Variants in TCF4 observed in about 807,000 individuals in gnomAD.
TCF4 encodes the protein SL3-3 enhancer factor 2.
A neutral mutation model predicts 82.1 loss-of-function variants in TCF4; 3 were observed. That is an observed-to-expected ratio of 0.04 (90% CI 0.02 to 0.09). The LOEUF is 0.09. Among genes scored for constraint, TCF4 ranks in the 10% least tolerant of loss-of-function variants. The probability of loss-of-function intolerance (pLI) is 1.00; values close to 1 mark genes in which losing one functional copy is unlikely to be tolerated. For synonymous variants in TCF4, 276 were observed against 309.6 expected (o/e 0.89, Z 1.14); for missense variants, 518 against 852.7 (o/e 0.61, Z 4.89).
intron 3 of TCF4, among the ~76,000 whole-genome samples, chr18:55,535,507 TATA>T (rs2097107006): frequency 6.6e-6 from 1 of 152,246 alleles, no homozygotes; most frequent in Non-Finnish European, 1.5e-5. Flanking sequence ...TTCTGATTAT[TATA>T]AGGAAGAAAA....
At chr18:55,467,685 T>C (rs919086922) in intron 3 of TCF4, among the ~76,000 whole-genome samples, 2 of 152,182 alleles carry the variant, frequency 1.3e-5, no homozygotes, top group East Asian at 1.9e-4. Context: ...CTCATTTTCA[T>C]GTAAACCTTG....
intron 3 of TCF4, among the ~76,000 whole-genome samples, chr18:55,468,369 C>T (rs2145082452): frequency 6.6e-6 from 1 of 152,262 alleles, no homozygotes; most frequent in South Asian, 2.1e-4. Context: ...TAAAAACACA[C>T]AAAGTGTCCA....
At chr18:55,629,560 TAAG>T (rs2097729660) in intron 2 of TCF4, among the ~76,000 whole-genome samples, 1 of 152,138 alleles carries the variant, frequency 6.6e-6, no homozygotes, top group South Asian at 2.1e-4. Context: ...ATGGCAAAGA[TAAG>T]AAGATTGCTG....
At chr18:55,370,668 C>T (rs1050826943) in intron 6 of TCF4, among the ~76,000 whole-genome samples, 1 of 152,054 alleles carries the variant, frequency 6.6e-6, no homozygotes, top group Non-Finnish European at 1.5e-5. Flanking sequence ...AACTCTCCCC[C>T]CCAAAATTAG....
chr18:55,515,178 C>T (rs955496918), intron 3 of TCF4, among the ~76,000 whole-genome samples: 1 of 152,030 alleles, frequency 6.6e-6, no homozygotes, highest in Non-Finnish European at 1.5e-5. Context: ...AGTTAAAAGA[C>T]CTAAGAAAGT....
At chr18:55,635,310 G>C (rs2097735231) in intron 1 of TCF4, among the ~76,000 whole-genome samples, 1 of 152,004 alleles carries the variant, frequency 6.6e-6, no homozygotes, top group African/African-American at 2.4e-5. Context: ...GGAATTCGAG[G>C]CCAGCCCAAC....
At chr18:55,462,276 C>A (rs189936656) in intron 4 of TCF4, among the ~76,000 whole-genome samples, 8 of 152,300 alleles carry the variant, frequency 5.3e-5, no homozygotes, top group Non-Finnish European at 1.2e-4. Context: ...TACACTCACT[C>A]ACTCTATACC....
chr18:55,468,881 G>GCCC (rs5825142), intron 3 of TCF4, among the ~76,000 whole-genome samples: 48 of 106,170 alleles, frequency 4.5e-4, no homozygotes, highest in South Asian at 6.5e-4. Context: ...TTTAGTTCTC[G>GCCC]CCCCCCCCCC....
chr18:55,464,791 T>C (rs868282535), intron 3 of TCF4, among the ~76,000 whole-genome samples: 2 of 152,158 alleles, frequency 1.3e-5, no homozygotes, highest in Admixed American at 6.6e-5. Context: ...TATGTGGAAA[T>C]GAATGTGGTT....
chr18:55,474,526 A>G (rs748653666), intron 3 of TCF4, among the ~76,000 whole-genome samples: 6 of 152,148 alleles, frequency 3.9e-5, no homozygotes, highest in Admixed American at 1.3e-4. Context: ...TACCTGACCA[A>G]TCTTGAAATG....
chr18:55,383,140 C>T (rs767136955), intron 6 of TCF4, among the ~76,000 whole-genome samples: 6 of 152,180 alleles, frequency 3.9e-5, no homozygotes, highest in African/African-American at 7.2e-5. Flanking sequence ...AGTTTAATGA[C>T]GCTACCTTTC....
chr18:55,306,017 C>G (rs2070202340), intron 8 of TCF4, among the ~76,000 whole-genome samples: 2 of 152,184 alleles, frequency 1.3e-5, no homozygotes, highest in South Asian at 2.1e-4. Flanking sequence ...TCCCAACAAC[C>G]AGGTTGGATT....
chr18:55,422,559 A>AG (rs1414176875), intron 5 of TCF4: 2 of 738,414 alleles, frequency 2.7e-6, no homozygotes, highest in Non-Finnish European at 3.3e-6. Context: ...ATGGAAATTT[A>AG]GGGGGGTGGT....
intron 8 of TCF4, among the ~76,000 whole-genome samples, chr18:55,291,100 T>C (rs2064994748): frequency 6.6e-6 from 1 of 152,192 alleles, no homozygotes. Flanking sequence ...TCTTATACAT[T>C]CAGGAACATA....
At chr18:55,337,870 C>T (rs990635489) in intron 8 of TCF4, among the ~76,000 whole-genome samples, 9 of 152,162 alleles carry the variant, frequency 5.9e-5, no homozygotes, top group African/African-American at 2.2e-4. Flanking sequence ...CGTCCGATGG[C>T]CATGTACATA....
At chr18:55,537,134 G>GAAAAAAAAAAAAAAA (rs1568343265) in intron 3 of TCF4, among the ~76,000 whole-genome samples, 1 of 113,200 alleles carries the variant, frequency 8.8e-6, no homozygotes. Context: ...ACTCCGTCTC[G>GAAAAAAAAAAAAAAA]GAAAAAAAAA....
intron 8 of TCF4, among the ~76,000 whole-genome samples, chr18:55,308,134 A>C (rs569281996): frequency 1.3e-5 from 2 of 152,352 alleles, no homozygotes; most frequent in East Asian, 3.9e-4. Flanking sequence ...GTACTTACTT[A>C]AGTACTACTT....
intron 9 of TCF4, among the ~76,000 whole-genome samples, chr18:55,277,715 C>T (rs1021804666): frequency 6.6e-6 from 1 of 151,804 alleles, no homozygotes; most frequent in African/African-American, 2.4e-5. Flanking sequence ...ATCTACCTGG[C>T]CTCTCCTGCA....
intron 5 of TCF4, among the ~76,000 whole-genome samples, chr18:55,424,946 T>C (rs1260015250): frequency 6.6e-6 from 1 of 152,206 alleles, no homozygotes; most frequent in Admixed American, 6.5e-5. Context: ...AGGAAAGCAC[T>C]CAAACCCTCC....
Sources: allele counts gnomAD v4.1 joint callset (sites outside exome capture counted in the v4.1 genomes callset), GRCh38; gene constraint gnomAD v4.1.1; transcripts MANE v1.5; gene names NCBI Gene and HGNC (gene_info 2026-07-23, HGNC 2026-07-21).